The following AKAP6 variants were observed in gnomAD, a reference collection of about 807,000 sequenced individuals.
The protein encoded by AKAP6 is A-kinase anchor protein 6.
In AKAP6, 58 loss-of-function variants were observed where a neutral mutation model predicts 188.5. The ratio of observed to expected loss-of-function variants is 0.31; its 90% CI spans 0.25 to 0.38. AKAP6 has a LOEUF of 0.38. AKAP6 is among the 10% of genes least tolerant of loss of function. AKAP6 has a pLI of 1.00. For missense variants in AKAP6, 2,710 were observed against 2,740.0 expected, an observed-to-expected ratio of 0.99 and a Z score of 0.24; for synonymous variants, 989 against 998.6, an observed-to-expected ratio of 0.99 and a Z score of 0.18.
intron 2 of AKAP6, among the ~76,000 whole-genome samples, chr14:32,475,961 G>A (rs1879045850): frequency 6.6e-6 from 1 of 151,970 alleles, no homozygotes; most frequent in African/African-American, 2.4e-5. Flanking sequence ...GGGATTACAG[G>A]CGTGAGCCAC....
chr14:32,728,793 C>CA (rs1392033258), intron 9 of AKAP6, among the ~76,000 whole-genome samples: 1 of 152,088 alleles, frequency 6.6e-6, no homozygotes, highest in Admixed American at 6.6e-5. Flanking sequence ...GCTTTTAGAG[C>CA]ATTATTTTGA....
At chr14:32,477,062 A>G (rs79967162) in intron 2 of AKAP6, among the ~76,000 whole-genome samples, 3 of 152,316 alleles carry the variant, frequency 2.0e-5, no homozygotes, top group Non-Finnish European at 4.4e-5. Flanking sequence ...GCTCTGGCTC[A>G]TGGGTATGAC....
At chr14:32,342,497 T>C (rs1029598418) in intron 1 of AKAP6, among the ~76,000 whole-genome samples, 4 of 152,216 alleles carry the variant, frequency 2.6e-5, no homozygotes, top group Non-Finnish European at 5.9e-5. Context: ...GTGATAGATC[T>C]AGGTCATGCT....
chr14:32,616,286 T>G (rs1886577713), intron 7 of AKAP6, among the ~76,000 whole-genome samples: 1 of 152,094 alleles, frequency 6.6e-6, no homozygotes, highest in South Asian at 2.1e-4. Context: ...CGTTCTATCA[T>G]AAAGACACAT....
In AKAP6 at chr14:32,433,508, C is replaced by T. The variant is rs575539231; in HGVS notation, c.15C>T (p.Ser5=). The change falls in exon 2 of 14, where the codon AGC becomes AGT. Residue 5 remains serine, a synonymous_variant. Coordinates refer to ENST00000280979, the MANE Select transcript of AKAP6 (RefSeq NM_004274.5). ...TAGACTTCTCCATGTTAACCATGAG[C>T]GTGACACTTTCCCCCCTGAGGTCAC... MLTM[S]VTLSPLRSQD... is the part of the protein sequence containing the mutation. 38 of 1,613,930 alleles carry T rather than the reference C, an allele frequency of 2.4e-5. No homozygotes were observed. The highest frequency in any genetic ancestry group is 3.3e-4 in the Middle Eastern group (2 of 6,060).
At chr14:32,569,729 AGTTCTAATTTTACTTTTCTAAAAAAG>A (rs1023537373) in intron 4 of AKAP6, among the ~76,000 whole-genome samples, 3 of 152,192 alleles carry the variant, frequency 2.0e-5, no homozygotes, top group East Asian at 1.9e-4. Flanking sequence ...TTCTAAATAA[AGTTCTAATTTTACTTTTCTAAAAAAG>A]GTTCTAATTT....
chr14:32,713,900 A>T (rs1050349991), intron 9 of AKAP6, among the ~76,000 whole-genome samples: 1 of 152,014 alleles, frequency 6.6e-6, no homozygotes, highest in African/African-American at 2.4e-5. Flanking sequence ...TTTTGCATTC[A>T]CAACTTGGCT....
chr14:32,564,240 C>T (rs1414983491), intron 4 of AKAP6, among the ~76,000 whole-genome samples: 1 of 152,142 alleles, frequency 6.6e-6, no homozygotes, highest in African/African-American at 2.4e-5. Context: ...AAAATATTTT[C>T]AATCCAAGCT....
chr14:32,428,451 T>C (rs1890106817), intron 1 of AKAP6, among the ~76,000 whole-genome samples: 1 of 151,792 alleles, frequency 6.6e-6, no homozygotes, highest in South Asian at 2.1e-4. Context: ...CCTGCCAGCA[T>C]GGTGCAGCCC....
chr14:32,409,607 TATC>T (rs1235890693), intron 1 of AKAP6, among the ~76,000 whole-genome samples: 1 of 152,204 alleles, frequency 6.6e-6, no homozygotes, highest in African/African-American at 2.4e-5. Context: ...GGTTCCTTTC[TATC>T]TGAAATTGTG....
intron 1 of AKAP6, among the ~76,000 whole-genome samples, chr14:32,389,591 C>T (rs1450513287): frequency 6.6e-6 from 1 of 151,986 alleles, no homozygotes. Context: ...CTGTATCTTT[C>T]CTTCATATAT....
At chr14:32,736,018 A>T in intron 11 of AKAP6, 136 bp downstream of exon 11, 1 of 648,568 alleles carries the variant, frequency 1.5e-6, no homozygotes, top group Non-Finnish European at 2.6e-6. Flanking sequence ...ATTTATAGAC[A>T]ACCTCCACAT....
At chr14:32,662,536 T>TCACTATTCC (rs1180021098) in intron 7 of AKAP6, among the ~76,000 whole-genome samples, 6 of 152,128 alleles carry the variant, frequency 3.9e-5, no homozygotes, top group Non-Finnish European at 7.4e-5. Flanking sequence ...TTTCCTCTAT[T>TCACTATTCC]CACTATTCCC....
intron 12 of AKAP6, among the ~76,000 whole-genome samples, chr14:32,810,587 A>C (rs1168928098): frequency 6.6e-6 from 1 of 152,180 alleles, no homozygotes; most frequent in Non-Finnish European, 1.5e-5. Flanking sequence ...TTGGAAACTT[A>C]CTTCAAAAAT....
rs1409952812 is a variant in AKAP6, at chr14:32,829,854, C to G, written c.*49C>G. The G allele has an allele frequency of 2.9e-6, 2 of 700,530 alleles. No individual in the cohort carries two copies. Among genetic ancestry groups the G allele is most frequent in the Admixed American group, 4.0e-5 (2 of 49,668 alleles). The allele number at this position is 700,530 out of a possible 1,614,324, so 43.4% of individuals were successfully genotyped here. ...ACTTTTTTGTTTCTTGTAGATACGC[C>G]TGGCTGCAACTCAGGGGTGGCCTCA... On this transcript the variant is annotated 3_prime_UTR_variant, in exon 14 of 14. Coordinates refer to ENST00000280979, the MANE Select transcript of AKAP6 (RefSeq NM_004274.5).
chr14:32,374,357 G>C (rs1160593845), intron 1 of AKAP6, among the ~76,000 whole-genome samples: 1 of 152,242 alleles, frequency 6.6e-6, no homozygotes, highest in Non-Finnish European at 1.5e-5. Context: ...TCCCAGAGGA[G>C]ATGCTGCTGC....
Position 32,387,281 on chromosome 14 carries a change from A to C in AKAP6, c.-34-46179A>C, listed in dbSNP as rs749845855. Reference sequence around the variant, plus strand: ...CTCTTTACCAACTTGGATGCTATTTATTTCTTTCTTTTGTCTGATTGCTCT... The same window carrying C: ...CTCTTTACCAACTTGGATGCTATTTCTTTCTTTCTTTTGTCTGATTGCTCT... On this transcript the variant is annotated intron_variant, in intron 1 of 13. Coordinates refer to ENST00000280979, the MANE Select transcript of AKAP6 (RefSeq NM_004274.5). Among the ~76,000 whole-genome samples, 21 of 151,966 alleles carry C rather than the reference A, an allele frequency of 1.4e-4. No individual in the cohort carries two copies. The East Asian group carries it at 2.1e-3, about 15-fold the overall frequency.
chr14:32,356,569 A>T (rs1349575498), intron 1 of AKAP6, among the ~76,000 whole-genome samples: 1 of 152,178 alleles, frequency 6.6e-6, no homozygotes, highest in Non-Finnish European at 1.5e-5. Context: ...ATCTGAGTGT[A>T]TCATTTCCTT....
chr14:32,610,629 G>T (rs184163064), intron 7 of AKAP6, among the ~76,000 whole-genome samples: 217 of 152,278 alleles, frequency 1.4e-3, no homozygotes, highest in Non-Finnish European at 2.4e-3. Context: ...ATGGGCCCTG[G>T]GAAGGCCTAA....
Sources: gnomAD v4.1 joint callset for allele counts (sites outside exome capture counted in the v4.1 genomes callset) on GRCh38, gnomAD v4.1.1 for gene constraint, MANE v1.5 for transcripts, NCBI Gene and HGNC (gene_info 2026-07-23, HGNC 2026-07-21) for gene names.